The following C3orf18 variants were observed in gnomAD, a reference collection of about 807,000 sequenced individuals.
C3orf18 encodes uncharacterized protein C3orf18.
A neutral mutation model predicts 14.1 loss-of-function variants in C3orf18; 12 were observed. The observed-to-expected ratio is 0.85, with a 90% CI of 0.55 to 1.38. The LOEUF (loss-of-function observed/expected upper bound fraction) is 1.38, where lower values mean the gene tolerates loss of function less well. Among genes scored for constraint, C3orf18 ranks in the 40% most tolerant of loss-of-function variants. The pLI, the probability that C3orf18 is intolerant of heterozygous loss-of-function variation, is 0.00. For synonymous variants in C3orf18, 82 were observed against 87.9 expected (o/e 0.93, Z 0.38); for missense variants, 196 against 213.9 (o/e 0.92, Z 0.52).
chr3:50,560,187 AG>A (rs1699879430), intron 5 of C3orf18, among the ~76,000 whole-genome samples: 1 of 152,160 alleles, frequency 6.6e-6, no homozygotes, highest in Non-Finnish European at 1.5e-5. Flanking sequence ...GCAAAACCAA[AG>A]GGTCTTCAGA....
chr3:50,569,707 A>G (rs1700682245), upstream of C3orf18: 1 of 152,328 alleles, frequency 6.6e-6, no homozygotes, highest in Non-Finnish European at 1.5e-5. Context: ...GGTCGTTAAC[A>G]ATGCGGTGCG....
In C3orf18 at chr3:50,558,830, G is replaced by C. The variant is rs748926549; in HGVS notation, c.*827C>G. 4.7e-6 allele frequency: 6 copies of C among 1,289,886 alleles called. No individual in the cohort carries two copies. The South Asian group carries it at 7.4e-5, about 16-fold the overall frequency. 79.9% of individuals were successfully genotyped at this position (1,289,886 alleles called of 1,614,324 possible). A position where few individuals can be genotyped will look rare whatever the true frequency, so the allele number is the denominator to read the frequency against. ...ATGCTCCACTACATACCATGGGGTAGAGGTCGACTTGGAGGGTGGGGCCAG... is the reference window on the plus strand; with the variant it reads ...ATGCTCCACTACATACCATGGGGTACAGGTCGACTTGGAGGGTGGGGCCAG... On this transcript the variant is annotated 3_prime_UTR_variant, in exon 6 of 6. Transcript: ENST00000357203.
chr3:50,572,240 G>C (rs536413714), upstream of C3orf18: 98 of 1,600,322 alleles, frequency 6.1e-5, no homozygotes, highest in Admixed American at 7.9e-4. Flanking sequence ...GGCAGGATCA[G>C]GATGATGGTG....
At chr3:50,568,740 AAAAAAAG>A (rs1700559065), upstream of C3orf18, among the ~76,000 whole-genome samples, 1 of 151,472 alleles carries the variant, frequency 6.6e-6, no homozygotes, top group African/African-American at 2.4e-5. Context: ...AAAAAAAAAA[AAAAAAAG>A]AAAAAAAGAA....
intron 5 of C3orf18, among the ~76,000 whole-genome samples, chr3:50,560,669 T>A (rs1237221018): frequency 6.6e-6 from 1 of 152,194 alleles, no homozygotes; most frequent in Non-Finnish European, 1.5e-5. Flanking sequence ...GCTCCCAAGA[T>A]CAGCAGGCTA....
chr3:50,560,818 A>G (rs765102022), intron 5 of C3orf18, 99 bp downstream of exon 5: 1 of 1,330,266 alleles, frequency 7.5e-7, no homozygotes, highest in Non-Finnish European at 1.0e-6. Flanking sequence ...CCATCTGACC[A>G]CAAGGCAGGT....
At chr3:50,571,145 G>T (rs761476161), upstream of C3orf18, 1 of 1,612,374 alleles carries the variant, frequency 6.2e-7, no homozygotes, top group Non-Finnish European at 8.5e-7. Flanking sequence ...CTCCTGTCTG[G>T]CCCAGGGAGG....
upstream of C3orf18, among the ~76,000 whole-genome samples, chr3:50,574,550 C>T (rs1701366095): frequency 6.6e-6 from 1 of 152,150 alleles, no homozygotes; most frequent in South Asian, 2.1e-4. Flanking sequence ...GGTCATTCTC[C>T]AGCCAGAGTA....
chr3:50,574,163 C>G (rs997295964), upstream of C3orf18, among the ~76,000 whole-genome samples: 6 of 152,216 alleles, frequency 3.9e-5, no homozygotes, highest in African/African-American at 1.4e-4. Context: ...TTCCCGCATG[C>G]GTCTGTGCCC....
chr3:50,560,149 T>C (rs1699878223), intron 5 of C3orf18, among the ~76,000 whole-genome samples: 1 of 152,122 alleles, frequency 6.6e-6, no homozygotes, highest in Non-Finnish European at 1.5e-5. Flanking sequence ...GGGCAATATA[T>C]CTTGACCCAG....
At chr3:50,562,347 T>G in intron 3 of C3orf18, 1 of 394,728 alleles carries the variant, frequency 2.5e-6, no homozygotes, top group Non-Finnish European at 5.0e-6. Context: ...CAATACTAAC[T>G]GTAGCTCCAG....
Position 50,565,533 on chromosome 3 carries a change from G to T in C3orf18, c.167C>A (p.Thr56Lys). 2 of 1,614,030 alleles carry T rather than the reference G, an allele frequency of 1.2e-6. No individual in the cohort carries two copies. Among genetic ancestry groups the T allele is most frequent in the Non-Finnish European group, 1.7e-6 (2 of 1,180,026 alleles). Residue 56 changes from threonine to lysine, a missense_variant, in exon 3 of 6, where the codon ACG (threonine) becomes AAG (lysine). Thr to Lys is a moderately conservative substitution (Grantham distance 78, BLOSUM62 -1). Coordinates refer to ENST00000357203, the MANE Select transcript of C3orf18 (RefSeq NM_016210.5). The surrounding 1 kb of genome is among the most constrained non-coding windows in gnomAD (Gnocchi z 4.4). The part of the protein sequence containing the change: ...DTRIPDAAGG[T>K]AGVGTMLLSF... The stretch of plus-strand genomic sequence containing the variant: ...CAGAAGCATGGTACCCACGCCGGCC[G>T]TGCCACCAGCTGCATCAGGGATTCT...
At chr3:50,570,886 T>G (rs182961929), upstream of C3orf18, 9 of 437,686 alleles carry the variant, frequency 2.1e-5, no homozygotes, top group East Asian at 1.8e-4. Flanking sequence ...GAAGGGGGGG[T>G]GTCATACAAG....
upstream of C3orf18, chr3:50,567,763 A>C (rs1239175358): frequency 2.0e-5 from 3 of 152,424 alleles, no homozygotes; most frequent in Non-Finnish European, 4.4e-5. Flanking sequence ...GCCTCCCTGC[A>C]CGCTCCGCGC....
Position 50,558,571 on chromosome 3 carries a change from A to T in C3orf18, c.*1086T>A. The T allele has an allele frequency of 1.6e-6, 1 of 613,450 alleles. No individual in the cohort carries two copies. The highest frequency in any genetic ancestry group is 2.4e-6 in the Non-Finnish European group (1 of 415,018). 38.0% of individuals were successfully genotyped at this position (613,450 alleles called of 1,614,324 possible). ...ATGTTTTTCTGAAGTGCAATCCCTC[A>T]CCCACTTTCAGGCAGTCATAACTGC... On this transcript the variant is annotated 3_prime_UTR_variant, in exon 6 of 6. Transcript: ENST00000357203.
upstream of C3orf18, chr3:50,570,314 C>T (rs896685512): frequency 6.6e-6 from 1 of 152,194 alleles, no homozygotes; most frequent in Non-Finnish European, 1.5e-5. Context: ...TGCTTGTGAC[C>T]TCTTTAAATA....
intron 4 of C3orf18, 94 bp downstream of exon 4, chr3:50,561,628 T>C: frequency 1.6e-6 from 2 of 1,283,514 alleles, no homozygotes; most frequent in Non-Finnish European, 2.3e-6. Flanking sequence ...CTTGACTCCC[T>C]GATCAGCTTT....
At position 50,560,910 on chromosome 3, in the gene C3orf18, T is replaced by G; in HGVS notation, c.408+7A>C. On this transcript the variant is annotated splice_region_variant and intron_variant, in intron 5 of 5. Transcript: ENST00000357203. ...CAGGCGGGGTGGGGAGCCTGGTCAG[T>G]GCCCACCTTGCCCTGCATGGCCTGC... 1 of 1,604,578 alleles carries G rather than the reference T, an allele frequency of 6.2e-7. No individual in the cohort carries two copies. The highest frequency in any genetic ancestry group is 8.5e-7 in the Non-Finnish European group (1 of 1,174,472).
chr3:50,571,739 C>T (rs1421967548), upstream of C3orf18: 1 of 1,614,166 alleles, frequency 6.2e-7, no homozygotes, highest in South Asian at 1.1e-5. Flanking sequence ...CACTTTGGAC[C>T]CAGCCCTTGA....
Sources: gnomAD v4.1 joint callset for allele counts (sites outside exome capture counted in the v4.1 genomes callset) on GRCh38, gnomAD v4.1.1 for gene constraint, Gnocchi (gnomAD v3.1) non-coding constraint, MANE v1.5 for transcripts, NCBI Gene and HGNC (gene_info 2026-07-23, HGNC 2026-07-21) for gene names.